Variants in KCTD18 observed in about 807,000 individuals in gnomAD.
The protein encoded by KCTD18 is potassium channel tetramerization domain containing 18, also known as BTB/POZ domain-containing protein KCTD18.
In KCTD18, 22 loss-of-function variants were observed where a neutral mutation model predicts 30.4. That is an observed-to-expected ratio of 0.72 (90% confidence interval 0.52 to 1.03). KCTD18 has a LOEUF of 1.03. KCTD18 is among the 50% of genes least tolerant of loss of function. KCTD18 has a pLI of 0.00. For synonymous variants in KCTD18, 186 were observed against 209.0 expected (o/e 0.89, Z 0.95); for missense variants, 529 against 547.6 (o/e 0.97, Z 0.34).
chr2:200,502,239 T>C (rs2106282786), intron 3 of KCTD18, among the ~76,000 whole-genome samples: 1 of 152,290 alleles, frequency 6.6e-6, no homozygotes, highest in Middle Eastern at 3.4e-3. Context: ...TATACATATG[T>C]AACTAACCTG....
rs1172974281 is a variant in KCTD18 at position 200,489,337 on chromosome 2, TTAA to T, written c.*760_*762del. On this transcript the variant is annotated 3_prime_UTR_variant, in exon 7 of 7. Transcript: ENST00000359878. ...ACAAATACTAACTTTAGTTAAAAAGTTAAACTTTTACTTCTCTTTTTCAAAGTA... is the reference window on the plus strand; with the variant it reads ...ACAAATACTAACTTTAGTTAAAAAGTACTTTTACTTCTCTTTTTCAAAGTA... 8.5e-5 allele frequency: 13 copies of T among 152,660 alleles called. No individual in the cohort carries two copies. Among genetic ancestry groups the T allele is most frequent in the Non-Finnish European group, 1.5e-4 (10 of 68,026 alleles). The allele number at this position is 152,660 out of a possible 1,614,324, so 9.5% of individuals were successfully genotyped here. A position where few individuals can be genotyped will look rare whatever the true frequency, so the allele number is the denominator to read the frequency against.
At chr2:200,505,124 T>C (rs2030116423) in intron 2 of KCTD18, among the ~76,000 whole-genome samples, 165 bp from the exon 3 acceptor site, 1 of 152,238 alleles carries the variant, frequency 6.6e-6, no homozygotes, top group South Asian at 2.1e-4. Context: ...AGCTAGACTT[T>C]TGGTTATTCA....
chr2:200,501,834 A>G (rs376360485), intron 3 of KCTD18, among the ~76,000 whole-genome samples: 2 of 151,322 alleles, frequency 1.3e-5, no homozygotes, highest in South Asian at 4.2e-4. Flanking sequence ...AGACACATGC[A>G]CACGTATGTT....
Position 200,499,072 on chromosome 2 carries a change from A to C in KCTD18, c.385T>G (p.Phe129Val). Residue 129 changes from phenylalanine (F) to valine (V), a missense_variant, in exon 4 of 7, where the codon TTC becomes GTC. By Grantham distance (50) the Phe-to-Val change is conservative. Coordinates refer to ENST00000359878, the MANE Select transcript of KCTD18 (RefSeq NM_152387.4). ...CAGACTAAGCCATATGAATCACAGA[A>C]GTCTGTTAAAGCCTAAAGCAAAAAG... is the stretch of plus-strand genomic sequence containing the variant. ...NIELKKALTD[F>V]CDSYGLVCNK... 1 of 1,608,968 alleles carries C rather than the reference A, an allele frequency of 6.2e-7. No homozygotes were observed. The highest frequency in any genetic ancestry group is 8.5e-7 in the Non-Finnish European group (1 of 1,178,126).
At chr2:200,495,013 T>C (rs1463347424) in intron 5 of KCTD18, among the ~76,000 whole-genome samples, 1 of 150,920 alleles carries the variant, frequency 6.6e-6, no homozygotes, top group Non-Finnish European at 1.5e-5. Flanking sequence ...AGTATTCCAC[T>C]GTATGGATAC....
intron 4 of KCTD18, among the ~76,000 whole-genome samples, chr2:200,498,151 A>T (rs897612413): frequency 6.6e-6 from 1 of 152,102 alleles, no homozygotes; most frequent in Non-Finnish European, 1.5e-5. Context: ...AAATCAGCGA[A>T]CTCCAATGAA....
intron 5 of KCTD18, 32 bp from the exon 6 acceptor site, chr2:200,493,306 T>C (rs1273981439): frequency 8.4e-7 from 1 of 1,195,760 alleles, no homozygotes. Flanking sequence ...TTAAGACAGC[T>C]ACCATCCACT....
intron 3 of KCTD18, among the ~76,000 whole-genome samples, chr2:200,500,487 A>G (rs1335700034): frequency 1.3e-5 from 2 of 152,050 alleles, no homozygotes; most frequent in African/African-American, 4.8e-5. Flanking sequence ...TACACCAACA[A>G]CAGACAAACA....
chr2:200,508,881 T>C (rs146014284), intron 1 of KCTD18, among the ~76,000 whole-genome samples: 182 of 152,318 alleles, frequency 1.2e-3, no homozygotes, highest in African/African-American at 4.2e-3. Flanking sequence ...GAATCCTATC[T>C]ATTCTTCAAG....
rs2030089672 is a variant in KCTD18, at chr2:200,504,864, T to C, written c.256A>G (p.Ile86Val). ...VQIPTDEQTR[I>V]ALQEEADYFG... ...TAATCAGCCTCTTCCTGTAGGGCGA[T>C]GCGGGTTTGCTCATCTGTGGGAATC... The change falls in exon 3 of 7, where the codon ATC becomes GTC. Residue 86 changes from isoleucine to valine, a missense_variant. Physicochemically the swap from Ile to Val is conservative, Grantham distance 29. Coordinates refer to ENST00000359878, the MANE Select transcript of KCTD18 (RefSeq NM_152387.4). The C allele has an allele frequency of 1.2e-6, 2 of 1,614,168 alleles. No homozygotes were observed. The highest frequency in any genetic ancestry group is 1.7e-6 in the Non-Finnish European group (2 of 1,179,998).
chr2:200,493,243 CAG>C lies in KCTD18; in HGVS notation c.691_692del (p.Leu231AspfsTer31). On this transcript the variant is annotated frameshift_variant, in exon 6 of 7. Coordinates refer to ENST00000359878, the MANE Select transcript of KCTD18 (RefSeq NM_152387.4). LOFTEE classifies it high-confidence loss of function. Reference sequence around the variant, plus strand: ...GTTCTTCTAGAGTCCAACACTCTATCAGCTCATGAGGCACCCGCCAGTAGCTA... The same window carrying C: ...GTTCTTCTAGAGTCCAACACTCTATCCTCATGAGGCACCCGCCAGTAGCTA... ...GVSYWRVPHELIECWTLEERP... is the reference protein window; with the variant it reads ...GVSYWRVPHEXIECWTLEERP... 1 of 1,612,336 alleles carries C rather than the reference CAG, an allele frequency of 6.2e-7. No individual in the cohort carries two copies. Among genetic ancestry groups the C allele is most frequent in the East Asian group, 2.2e-5 (1 of 44,884 alleles).
chr2:200,504,928 T>C lies in KCTD18; in HGVS notation c.192A>G (p.Leu64=), dbSNP rs766886770. The C allele has an allele frequency of 5.0e-6, 8 of 1,613,980 alleles. No homozygotes were observed. Among genetic ancestry groups the C allele is most frequent in the South Asian group, 1.1e-5 (1 of 91,076 alleles). ...GACVIDRDGR[L]FKYLLDYLHG... ...GAAGGTAATCCAAAAGGTATTTAAATAGACGTCCATCACGGTCAATAACAC... is the reference window on the plus strand; with the variant it reads ...GAAGGTAATCCAAAAGGTATTTAAACAGACGTCCATCACGGTCAATAACAC... Residue 64 remains leucine (L), a synonymous_variant, in exon 3 of 7, where the codon CTA becomes CTG. Transcript: ENST00000359878.
intron 3 of KCTD18, among the ~76,000 whole-genome samples, chr2:200,500,657 C>G (rs1214113398): frequency 6.6e-6 from 1 of 151,562 alleles, no homozygotes; most frequent in African/African-American, 2.4e-5. Context: ...GAAGAATATT[C>G]CATGCTCATG....
rs1388393880 is a variant in KCTD18 at position 200,499,089 on chromosome 2, AGC to A, written c.373-7_373-6del. ...ATCACAGAAGTCTGTTAAAGCCTAA[AGC>A]AAAAAGTATATATAAAATTTGAATT... On this transcript the variant is annotated splice_polypyrimidine_tract_variant and splice_region_variant and intron_variant, in intron 3 of 6. Transcript: ENST00000359878. The A allele has an allele frequency of 6.3e-7, 1 of 1,583,308 alleles. No homozygotes were observed. The highest frequency in any genetic ancestry group is 8.6e-7 in the Non-Finnish European group (1 of 1,165,514).
chr2:200,504,777 A>T lies in KCTD18; in HGVS notation c.343T>A (p.Ser115Thr). 1 of 1,614,098 alleles carries T rather than the reference A, an allele frequency of 6.2e-7. No homozygotes were observed. Among genetic ancestry groups the T allele is most frequent in the Non-Finnish European group, 8.5e-7 (1 of 1,179,980 alleles). The part of the protein sequence containing the change: ...DHLANEMETY[S>T]LRSNIELKKA... ...TTAAGTTCTATATTTGACCTTAAAG[A>T]ATATGTCTCCATTTCATTGGCCAAA... Residue 115 changes from serine to threonine, a missense_variant, in exon 3 of 7, where the codon TCT (serine) becomes ACT (threonine). By Grantham distance (58) the Ser-to-Thr change is moderately conservative (BLOSUM62 1). Transcript: ENST00000359878.
chr2:200,498,517 C>T (rs1387058003), intron 4 of KCTD18, among the ~76,000 whole-genome samples: 1 of 152,252 alleles, frequency 6.6e-6, no homozygotes, highest in Non-Finnish European at 1.5e-5. Flanking sequence ...CCCTGAGTCA[C>T]TCAGTAGGCC....
rs2087896043 is a variant in KCTD18, at chr2:200,490,452, GT to G, written c.928del (p.Thr310GlnfsTer67). 1 of 1,613,950 alleles carries G rather than the reference GT, an allele frequency of 6.2e-7. No homozygotes were observed. Among genetic ancestry groups the G allele is most frequent in the African/African-American group, 1.3e-5 (1 of 75,064 alleles). ...ASAIQTSAGA[T>X]ANRFQSGSRR... is the part of the protein sequence containing the mutation. ...GCTACCACTTTGAAACCGGTTTGCT[GT>G]CGCCCCAGCCGACGTCTGGATGGCA... On this transcript the variant is annotated frameshift_variant, in exon 7 of 7. Transcript: ENST00000359878. LOFTEE classifies it low-confidence loss of function (END_TRUNC).
chr2:200,501,118 G>T (rs1438401351), intron 3 of KCTD18, among the ~76,000 whole-genome samples: 73 of 152,072 alleles, frequency 4.8e-4, no homozygotes, highest in South Asian at 2.3e-3. Flanking sequence ...TCCTTACACC[G>T]TATACAAAAA....
chr2:200,503,440 T>G (rs1207536612), intron 3 of KCTD18, among the ~76,000 whole-genome samples: 1 of 152,216 alleles, frequency 6.6e-6, no homozygotes, highest in Non-Finnish European at 1.5e-5. Context: ...CCTTGTACAG[T>G]GCCATACATG....
Sources: gnomAD v4.1 joint callset for allele counts (sites outside exome capture counted in the v4.1 genomes callset) on GRCh38, gnomAD v4.1.1 for gene constraint, MANE v1.5 for transcripts, NCBI Gene and HGNC (gene_info 2026-07-23, HGNC 2026-07-21) for gene names.